LRRC7: variants seen among roughly 807,000 people sequenced by gnomAD.
LRRC7 encodes leucine-rich repeat-containing protein 7.
Under a neutral mutation model 175.7 loss-of-function variants are expected in LRRC7, and 23 were observed. The ratio of observed to expected loss-of-function variants is 0.13; its 90% CI spans 0.09 to 0.19. The LOEUF is 0.19. Among genes scored for constraint, LRRC7 ranks in the 10% least tolerant of loss-of-function variants. The pLI, the probability that LRRC7 is intolerant of heterozygous loss-of-function variation, is 1.00. For missense variants in LRRC7, 1,354 were observed against 1,904.7 expected (o/e 0.71, Z 5.38); for synonymous variants, 685 against 680.9 (o/e 1.01, Z -0.09).
chr1:70,072,048 T>G (rs1662428284), intron 23 of LRRC7, among the ~76,000 whole-genome samples: 2 of 152,210 alleles, frequency 1.3e-5, no homozygotes, highest in African/African-American at 2.4e-5. Flanking sequence ...AAATATTTTC[T>G]TGAGTCTTAT....
chr1:70,061,100 A>G (rs1024947967), intron 23 of LRRC7, among the ~76,000 whole-genome samples: 1 of 151,928 alleles, frequency 6.6e-6, no homozygotes, highest in Admixed American at 6.6e-5. Context: ...CATCACTGGG[A>G]GTAATTAATA....
At chr1:70,083,652 A>G (rs920287887) in intron 24 of LRRC7, among the ~76,000 whole-genome samples, 1 of 152,134 alleles carries the variant, frequency 6.6e-6, no homozygotes, top group African/African-American at 2.4e-5. Flanking sequence ...CTCATCCTGG[A>G]TGTCTGATGA....
chr1:69,851,426 A>G (rs1287309937), intron 7 of LRRC7, among the ~76,000 whole-genome samples: 1 of 152,124 alleles, frequency 6.6e-6, no homozygotes, highest in Non-Finnish European at 1.5e-5. Flanking sequence ...ACCCAGTAGA[A>G]AGAAAGGAAT....
At chr1:69,863,409 TGCCTA>T (rs1382308049) in intron 7 of LRRC7, among the ~76,000 whole-genome samples, 5 of 152,240 alleles carry the variant, frequency 3.3e-5, no homozygotes, top group African/African-American at 1.2e-4. Context: ...ACAGGAATCT[TGCCTA>T]GCTTGTTTAT....
chr1:69,995,076 C>T lies in LRRC7; in HGVS notation c.1004+443C>T, dbSNP rs574082742. On this transcript the variant is annotated intron_variant, in intron 11 of 26. Coordinates refer to ENST00000651989, the MANE Select transcript of LRRC7 (RefSeq NM_001370785.2). Reference sequence around the variant, plus strand: ...ACATTTAATATTTATAGAATCTTAACGTATTTTTAGAAGCTAAGGAGAAAA... The same window carrying T: ...ACATTTAATATTTATAGAATCTTAATGTATTTTTAGAAGCTAAGGAGAAAA... Among the ~76,000 whole-genome samples the T allele has an allele frequency of 1.2e-3, 185 of 152,152 alleles. 4 individuals are homozygous for T. The South Asian group carries it at 0.028, about 23-fold the overall frequency.
intron 18 of LRRC7, among the ~76,000 whole-genome samples, chr1:70,028,871 T>C (rs1658405128): frequency 6.6e-6 from 1 of 152,164 alleles, no homozygotes; most frequent in Non-Finnish European, 1.5e-5. Flanking sequence ...TGGAATCTAG[T>C]CATGTGAAGC....
Position 70,128,787 on chromosome 1 carries a change from G to A in LRRC7, c.*6900G>A, listed in dbSNP as rs935419260. On this transcript the variant is annotated 3_prime_UTR_variant, in exon 27 of 27. Coordinates refer to ENST00000651989, the MANE Select transcript of LRRC7 (RefSeq NM_001370785.2). ...AAGTTCCACATCAAAGACAGTACAAGGCAATGTGGTGAGTCCCTTTATTCC... is the reference window on the plus strand; with the variant it reads ...AAGTTCCACATCAAAGACAGTACAAAGCAATGTGGTGAGTCCCTTTATTCC... The A allele has an allele frequency of 9.9e-5, 15 of 152,214 alleles. No individual in the cohort carries two copies. The highest frequency in any genetic ancestry group is 3.4e-4 in the African/African-American group (14 of 41,452). 9.4% of individuals were successfully genotyped at this position (152,214 alleles called of 1,614,324 possible).
At chr1:70,028,571 A>G (rs904697720) in intron 18 of LRRC7, among the ~76,000 whole-genome samples, 200 bp downstream of exon 18, 2 of 152,184 alleles carry the variant, frequency 1.3e-5, no homozygotes, top group African/African-American at 4.8e-5. Flanking sequence ...AATCATTAAC[A>G]TAGCTCCAAA....
At chr1:69,627,321 C>T (rs896867785) in intron 1 of LRRC7, among the ~76,000 whole-genome samples, 7 of 152,250 alleles carry the variant, frequency 4.6e-5, no homozygotes, top group Admixed American at 1.3e-4. Context: ...TCTCTGATGG[C>T]CAGTGATGAT....
chr1:69,595,936 AGTGATTGCCTACTC>A (rs1012410502), intron 1 of LRRC7, among the ~76,000 whole-genome samples: 6 of 151,288 alleles, frequency 4.0e-5, no homozygotes, highest in Admixed American at 4.0e-4. Context: ...ATACCCAGTG[AGTGATTGCCTACTC>A]GTAGACTGTT....
In LRRC7 at chr1:69,997,161, A is replaced by G. The variant is rs890539163; in HGVS notation, c.1004+2528A>G. ...TAGGTATTTTATTCTCTTTGAAGCAATTGTGAATGGGAGTTCACTCATGAT... is the reference window on the plus strand; with the variant it reads ...TAGGTATTTTATTCTCTTTGAAGCAGTTGTGAATGGGAGTTCACTCATGAT... On this transcript the variant is annotated intron_variant, in intron 11 of 26. Transcript: ENST00000651989. Among the ~76,000 whole-genome samples the G allele has an allele frequency of 6.8e-3, 1,031 of 152,256 alleles. 12 individuals carry two copies. The highest frequency in any genetic ancestry group is 0.012 in the Admixed American group (182 of 15,284).
chr1:69,703,521 A>G (rs1022539434), intron 2 of LRRC7, among the ~76,000 whole-genome samples: 5 of 152,012 alleles, frequency 3.3e-5, no homozygotes, highest in African/African-American at 9.7e-5. Context: ...TATTACACTT[A>G]TACTGTACTA....
At chr1:70,058,086 T>C (rs1338027343) in intron 23 of LRRC7, among the ~76,000 whole-genome samples, 2 of 150,258 alleles carry the variant, frequency 1.3e-5, no homozygotes, top group South Asian at 2.1e-4. Flanking sequence ...CTCGGCTCAT[T>C]GCAGCCTCCC....
intron 23 of LRRC7, among the ~76,000 whole-genome samples, chr1:70,057,006 G>A (rs1344056273): frequency 6.6e-6 from 1 of 152,040 alleles, no homozygotes; most frequent in South Asian, 2.1e-4. Context: ...ATGTTGGGGG[G>A]GGAATCCATA....
chr1:70,073,301 A>G (rs1447769930), intron 23 of LRRC7, among the ~76,000 whole-genome samples: 1 of 152,162 alleles, frequency 6.6e-6, no homozygotes, highest in African/African-American at 2.4e-5. Flanking sequence ...CAAAATCAGC[A>G]TAATCCTGAG....
At chr1:70,066,630 T>C (rs942452490) in intron 23 of LRRC7, among the ~76,000 whole-genome samples, 5 of 152,036 alleles carry the variant, frequency 3.3e-5, no homozygotes, top group African/African-American at 1.2e-4. Flanking sequence ...CATTTACCTA[T>C]GGAAGGATAT....
rs570970804 is a variant in LRRC7, at chr1:70,039,261, C to T, written c.3437C>T (p.Ala1146Val). 1.7e-5 allele frequency: 27 copies of T among 1,614,008 alleles called. No homozygotes were observed. Among genetic ancestry groups the T allele is most frequent in the South Asian group, 4.4e-5 (4 of 91,080 alleles). ...VVNAQFASQG[A>V]RAGFLRRADS... is the part of the protein sequence containing the mutation. ...AATGCCCAGTTCGCAAGCCAAGGGG[C>T]CAGGGCGGGCTTCCTGAGAAGGGCC... The change falls in exon 21 of 27, where the codon GCC becomes GTC. Residue 1146 changes from alanine (A) to valine (V), a missense_variant. Transcript: ENST00000651989.
At chr1:69,953,726 G>T (rs920420856) in intron 8 of LRRC7, among the ~76,000 whole-genome samples, 10 of 152,008 alleles carry the variant, frequency 6.6e-5, no homozygotes, top group African/African-American at 2.4e-4. Context: ...GGAGCTCCTT[G>T]AAGAGCACTC....
At chr1:69,778,909 C>T (rs1673135609) in intron 3 of LRRC7, among the ~76,000 whole-genome samples, 1 of 149,332 alleles carries the variant, frequency 6.7e-6, no homozygotes, top group Admixed American at 6.7e-5. Context: ...TATATATACA[C>T]ACACATACAC....
Sources: gnomAD v4.1 joint callset for allele counts (sites outside exome capture counted in the v4.1 genomes callset) on GRCh38, gnomAD v4.1.1 for gene constraint, MANE v1.5 for transcripts, NCBI Gene and HGNC (gene_info 2026-07-23, HGNC 2026-07-21) for gene names.